Variants in CNTNAP2 observed in about 807,000 individuals in gnomAD.
CNTNAP2 encodes contactin associated protein 2.
In CNTNAP2, 98 loss-of-function variants were observed where a neutral mutation model predicts 155.2. That is an observed-to-expected ratio of 0.63 (90% CI 0.54 to 0.75). The LOEUF (loss-of-function observed/expected upper bound fraction) is 0.75, where lower values mean the gene tolerates loss of function less well. Among genes scored for constraint, CNTNAP2 ranks in the 30% least tolerant of loss-of-function variants. CNTNAP2 has a pLI of 0.00. For missense variants in CNTNAP2, 1,727 were observed against 1,688.1 expected, an observed-to-expected ratio of 1.02 and a Z score of -0.40; for synonymous variants, 651 against 631.2, an observed-to-expected ratio of 1.03 and a Z score of -0.47.
At chr7:147,434,185 TGTA>T (rs1363138983) in intron 10 of CNTNAP2, among the ~76,000 whole-genome samples, 1 of 152,194 alleles carries the variant, frequency 6.6e-6, no homozygotes, top group Non-Finnish European at 1.5e-5. Flanking sequence ...TGCTAATAGT[TGTA>T]GTATTCTGTA....
At chr7:147,190,829 A>G (rs1308338941) in intron 8 of CNTNAP2, among the ~76,000 whole-genome samples, 1 of 152,188 alleles carries the variant, frequency 6.6e-6, no homozygotes, top group African/African-American at 2.4e-5. Flanking sequence ...TACTTACATA[A>G]AGTGCTTTGT....
chr7:147,732,038 C>T (rs897608845), intron 13 of CNTNAP2, among the ~76,000 whole-genome samples: 23 of 151,136 alleles, frequency 1.5e-4, no homozygotes, highest in South Asian at 6.3e-4. Context: ...AAATTGGTTT[C>T]TTTTTTTTTA....
chr7:147,575,152 TATTCCCTA>T (rs1800365815), intron 12 of CNTNAP2, among the ~76,000 whole-genome samples: 1 of 127,522 alleles, frequency 7.8e-6, no homozygotes, highest in African/African-American at 3.1e-5. Flanking sequence ...TGTGTGTGTG[TATTCCCTA>T]GCTTTAGGAG....
At chr7:146,432,517 C>T (rs574120201) in intron 1 of CNTNAP2, among the ~76,000 whole-genome samples, 1 of 152,114 alleles carries the variant, frequency 6.6e-6, no homozygotes, top group Admixed American at 6.6e-5. Context: ...ATATAGAATG[C>T]TCTTTGGAGA....
intron 4 of CNTNAP2, among the ~76,000 whole-genome samples, chr7:147,072,171 A>C (rs906279862): frequency 6.6e-6 from 1 of 152,174 alleles, no homozygotes; most frequent in Non-Finnish European, 1.5e-5. Flanking sequence ...GTCATATTTC[A>C]GGTAAACAAA....
intron 1 of CNTNAP2, among the ~76,000 whole-genome samples, chr7:146,152,616 T>A (rs1475294240): frequency 6.6e-6 from 1 of 152,130 alleles, no homozygotes; most frequent in African/African-American, 2.4e-5. Flanking sequence ...AACATCATCT[T>A]GTACTGTGCA....
At chr7:146,377,760 TATATG>T (rs1277138009) in intron 1 of CNTNAP2, among the ~76,000 whole-genome samples, 1 of 152,186 alleles carries the variant, frequency 6.6e-6, no homozygotes, top group African/African-American at 2.4e-5. Context: ...AGAGTAAACT[TATATG>T]ATGTCTAAGA....
intron 19 of CNTNAP2, among the ~76,000 whole-genome samples, chr7:148,217,930 G>A (rs1324261089): frequency 6.6e-6 from 1 of 152,212 alleles, no homozygotes; most frequent in East Asian, 1.9e-4. Flanking sequence ...TTTGAGACCA[G>A]CCTGGCCAAT....
At chr7:147,346,628 G>T (rs1242040184) in intron 9 of CNTNAP2, among the ~76,000 whole-genome samples, 1 of 152,176 alleles carries the variant, frequency 6.6e-6, no homozygotes, top group Non-Finnish European at 1.5e-5. Context: ...AGAGTTGCAG[G>T]ATGTTCAGAT....
chr7:147,553,620 T>C (rs1010253509), intron 11 of CNTNAP2, among the ~76,000 whole-genome samples: 14 of 152,190 alleles, frequency 9.2e-5, no homozygotes, highest in African/African-American at 2.7e-4. Flanking sequence ...ATGACTTTTT[T>C]ACTTTTTTCT....
intron 1 of CNTNAP2, among the ~76,000 whole-genome samples, chr7:146,638,833 A>G (rs1040575963): frequency 6.6e-6 from 1 of 151,960 alleles, no homozygotes; most frequent in Admixed American, 6.6e-5. Context: ...ATTCTAGGTG[A>G]TTTTGTCATT....
chr7:147,280,452 A>G (rs901324875), intron 8 of CNTNAP2, among the ~76,000 whole-genome samples: 1 of 151,786 alleles, frequency 6.6e-6, no homozygotes, highest in Admixed American at 6.6e-5. Flanking sequence ...AAATGCCAAC[A>G]TTTTCATTTT....
intron 10 of CNTNAP2, among the ~76,000 whole-genome samples, chr7:147,428,764 GGTT>G (rs937179649): frequency 1.3e-5 from 2 of 152,100 alleles, no homozygotes; most frequent in African/African-American, 4.8e-5. Flanking sequence ...GCTCTTCTAA[GGTT>G]GTGATTTTGT....
intron 1 of CNTNAP2, among the ~76,000 whole-genome samples, chr7:146,697,350 T>G (rs1259621166): frequency 2.0e-5 from 3 of 152,024 alleles, no homozygotes; most frequent in South Asian, 2.1e-4. Context: ...CAATTCTCCC[T>G]GCTCAGCCTC....
intron 8 of CNTNAP2, among the ~76,000 whole-genome samples, chr7:147,149,949 A>G (rs1007533259): frequency 3.9e-5 from 6 of 152,248 alleles, no homozygotes; most frequent in African/African-American, 1.4e-4. Context: ...TGTGAAAGAA[A>G]GGTAGGAATC....
At chr7:147,320,140 A>C (rs1795321857) in intron 9 of CNTNAP2, among the ~76,000 whole-genome samples, 1 of 152,148 alleles carries the variant, frequency 6.6e-6, no homozygotes, top group Non-Finnish European at 1.5e-5. Flanking sequence ...ATTGTTTCTC[A>C]CTCTTGGTCA....
chr7:147,115,690 G>A (rs898183919), intron 5 of CNTNAP2, among the ~76,000 whole-genome samples: 9 of 152,020 alleles, frequency 5.9e-5, no homozygotes, highest in African/African-American at 2.2e-4. Context: ...TAACCTGGGT[G>A]TTCTGGCTAT....
At chr7:148,099,421 TTGTGTGTGTGTG>T (rs35957905) in intron 15 of CNTNAP2, among the ~76,000 whole-genome samples, 12,994 of 140,990 alleles carry the variant, frequency 0.092, 628 homozygotes, top group Middle Eastern at 0.12. Context: ...AGCATTGCAA[TTGTGTGTGTGTG>T]TGTGTGTGTG....
chr7:146,261,735 G>A (rs1177267280), intron 1 of CNTNAP2, among the ~76,000 whole-genome samples: 1 of 151,972 alleles, frequency 6.6e-6, no homozygotes, highest in East Asian at 1.9e-4. Context: ...TCAGTCTTTA[G>A]CTCAGAACTA....
Sources: allele counts gnomAD v4.1 joint callset (sites outside exome capture counted in the v4.1 genomes callset), GRCh38; gene constraint gnomAD v4.1.1; transcripts MANE v1.5; gene names NCBI Gene and HGNC (gene_info 2026-07-23, HGNC 2026-07-21).